The following HMCN1 variants were observed in gnomAD, a reference collection of about 807,000 sequenced individuals.
The protein encoded by HMCN1 is hemicentin 1, also known as hemicentin-1.
A neutral mutation model predicts 625.9 loss-of-function variants in HMCN1; 321 were observed. That is an observed-to-expected ratio of 0.51 (90% CI 0.47 to 0.56). The LOEUF is 0.56. HMCN1 is among the 20% of genes least tolerant of loss of function. The pLI is 0.00. For missense variants in HMCN1, 6,588 were observed against 6,887.3 expected (o/e 0.96, Z 1.54); for synonymous variants, 2,425 against 2,417.6 (o/e 1.00, Z -0.09).
At chr1:186,063,034 ATG>A (rs376321567) in intron 48 of HMCN1, among the ~76,000 whole-genome samples, 4,964 of 94,738 alleles carry the variant, frequency 0.052, 166 homozygotes, top group African/African-American at 0.089. Context: ...ATTCCATGGA[ATG>A]TGTGTGTGTG....
At chr1:185,862,963 A>G (rs1422133634) in intron 2 of HMCN1, among the ~76,000 whole-genome samples, 1 of 152,212 alleles carries the variant, frequency 6.6e-6, no homozygotes, top group East Asian at 1.9e-4. Context: ...CCAGTACAAG[A>G]AAAGATTCTC....
At chr1:186,121,776 G>A (rs936485810) in intron 80 of HMCN1, among the ~76,000 whole-genome samples, 1 of 152,144 alleles carries the variant, frequency 6.6e-6, no homozygotes, top group African/African-American at 2.4e-5. Context: ...GACTGGATAA[G>A]ATCACTAAGG....
intron 1 of HMCN1, among the ~76,000 whole-genome samples, chr1:185,837,978 G>A (rs1558006396): frequency 6.6e-6 from 1 of 152,170 alleles, no homozygotes; most frequent in Non-Finnish European, 1.5e-5. Context: ...AGTAAATTAA[G>A]CCAGACTTCA....
chr1:185,752,065 A>G (rs374340459), intron 1 of HMCN1, among the ~76,000 whole-genome samples: 3 of 152,220 alleles, frequency 2.0e-5, no homozygotes, highest in African/African-American at 7.2e-5. Context: ...GTCTTTCTAC[A>G]GAGGGGTTTG....
At chr1:186,167,207 T>A (rs1391110400) in intron 100 of HMCN1, among the ~76,000 whole-genome samples, 3 of 152,224 alleles carry the variant, frequency 2.0e-5, no homozygotes, top group Non-Finnish European at 2.9e-5. Context: ...GCACAGTGGT[T>A]TTGAGTGACC....
chr1:185,925,837 T>G (rs756479394), intron 9 of HMCN1, among the ~76,000 whole-genome samples: 4 of 152,134 alleles, frequency 2.6e-5, no homozygotes, highest in Non-Finnish European at 4.4e-5. Context: ...TGGAGTGGAC[T>G]GGGCATGTGG....
chr1:185,925,420 T>C (rs184503123), intron 9 of HMCN1, among the ~76,000 whole-genome samples: 1 of 152,336 alleles, frequency 6.6e-6, no homozygotes. Flanking sequence ...CTTGAACATA[T>C]TCAAATGTTG....
chr1:185,831,961 A>G (rs1275656199), intron 1 of HMCN1, among the ~76,000 whole-genome samples: 1 of 152,232 alleles, frequency 6.6e-6, no homozygotes, highest in Non-Finnish European at 1.5e-5. Flanking sequence ...ACATCCACAA[A>G]AGTACAGGCA....
At chr1:185,883,637 A>G (rs1489175489) in intron 4 of HMCN1, among the ~76,000 whole-genome samples, 1 of 151,998 alleles carries the variant, frequency 6.6e-6, no homozygotes, top group Non-Finnish European at 1.5e-5. Context: ...TTATACCACA[A>G]TTTGTTTGTT....
chr1:186,172,301 A>G (rs927106146), intron 102 of HMCN1, among the ~76,000 whole-genome samples, 170 bp downstream of exon 102: 4 of 152,224 alleles, frequency 2.6e-5, no homozygotes, highest in Admixed American at 6.5e-5. Flanking sequence ...TCCCAGGGTC[A>G]TGGCTGTACC....
rs771234131 is a variant in HMCN1, at chr1:186,123,069, G to A, written c.12348G>A (p.Gly4116=). 17 of 1,614,000 alleles carry A rather than the reference G, an allele frequency of 1.1e-5. No homozygotes were observed. The highest frequency in any genetic ancestry group is 3.3e-4 in the Middle Eastern group (2 of 6,082). Residue 4116 remains glycine (G), a synonymous_variant, in exon 81 of 107, where the codon GGG becomes GGA. Coordinates refer to ENST00000271588, the MANE Select transcript of HMCN1 (RefSeq NM_031935.3). ...CTGACATTACATGGCATAAAGATGG[G>A]CGTGCAATTGTGGAATCTATCCGCC... ...PPPDITWHKD[G]RAIVESIRQR...
In HMCN1 at chr1:186,007,125, T is replaced by G; in HGVS notation, c.4476-3T>G. The G allele has an allele frequency of 6.2e-7, 1 of 1,609,498 alleles. No individual in the cohort carries two copies. Among genetic ancestry groups the G allele is most frequent in the Non-Finnish European group, 8.5e-7 (1 of 1,175,964 alleles). ...CCATGGAATAAAGTTTTATTTTTTC[T>G]AGGCCTTTATTTTTGGGCGATCCTA... On this transcript the variant is annotated splice_polypyrimidine_tract_variant and splice_region_variant and intron_variant, in intron 29 of 106. Transcript: ENST00000271588.
chr1:186,180,057 T>C (rs1272014421), intron 104 of HMCN1, among the ~76,000 whole-genome samples: 1 of 152,204 alleles, frequency 6.6e-6, no homozygotes, highest in Non-Finnish European at 1.5e-5. Context: ...TCATTTCTTC[T>C]ACCACCAAAC....
chr1:186,054,159 T>C (rs1332120659), intron 44 of HMCN1, among the ~76,000 whole-genome samples, 173 bp downstream of exon 44: 2 of 152,050 alleles, frequency 1.3e-5, no homozygotes, highest in Non-Finnish European at 2.9e-5. Flanking sequence ...TACTTCCTTC[T>C]GGCTGTTATT....
chr1:185,777,118 G>A (rs1237347833), intron 1 of HMCN1, among the ~76,000 whole-genome samples: 1 of 152,160 alleles, frequency 6.6e-6, no homozygotes, highest in Non-Finnish European at 1.5e-5. Flanking sequence ...CCCAGGAGGT[G>A]CTACAAGTTC....
Position 186,123,205 on chromosome 1 carries a change from A to G in HMCN1, c.12484A>G (p.Lys4162Glu), listed in dbSNP as rs559963791. Residue 4162 changes from lysine (K) to glutamate (E), a missense_variant, in exon 81 of 107, where the codon AAG (lysine) becomes GAG (glutamate). This residue lies in a region of HMCN1 where 1,954 missense variants were observed against 2,013.1 expected (regional missense o/e 0.97). Coordinates refer to ENST00000271588, the MANE Select transcript of HMCN1 (RefSeq NM_031935.3). ...NVAGSSSTSTKLTVHVPPRIR... is the reference protein window; with the variant it reads ...NVAGSSSTSTELTVHVPPRIR... The stretch of plus-strand genomic sequence containing the variant: ...AGCAGGATCAAGCAGCACAAGCACC[A>G]AGCTCACCGTCCATGGTAGGTTGTT... 2 of 1,613,796 alleles carry G rather than the reference A, an allele frequency of 1.2e-6. No individual in the cohort carries two copies. Among genetic ancestry groups the G allele is most frequent in the African/African-American group, 1.3e-5 (1 of 75,024 alleles).
At chr1:185,821,835 T>C (rs1266207075) in intron 1 of HMCN1, among the ~76,000 whole-genome samples, 1 of 149,584 alleles carries the variant, frequency 6.7e-6, no homozygotes, top group Non-Finnish European at 1.5e-5. Flanking sequence ...GCATGAGAGA[T>C]AGTGTGCTTT....
intron 36 of HMCN1, among the ~76,000 whole-genome samples, chr1:186,028,608 T>A (rs377629320): frequency 2.6e-5 from 4 of 152,344 alleles, no homozygotes; most frequent in East Asian, 3.9e-4. Context: ...CTGGTCCACT[T>A]GTTTGTCAAA....
At chr1:185,772,001 A>G (rs1656273653) in intron 1 of HMCN1, among the ~76,000 whole-genome samples, 1 of 152,200 alleles carries the variant, frequency 6.6e-6, no homozygotes, top group African/African-American at 2.4e-5. Flanking sequence ...GGAGGACCCA[A>G]AGAAGGATGA....
Sources: allele counts gnomAD v4.1 joint callset (sites outside exome capture counted in the v4.1 genomes callset), GRCh38; gene constraint gnomAD v4.1.1; regional missense constraint gnomAD v4.1.1; transcripts MANE v1.5; gene names NCBI Gene and HGNC (gene_info 2026-07-23, HGNC 2026-07-21).